The following CNTN3 variants were observed in gnomAD, a reference collection of about 807,000 sequenced individuals.
CNTN3 encodes the protein contactin-3.
A neutral mutation model predicts 119.1 loss-of-function variants in CNTN3; 60 were observed. That is an observed-to-expected ratio of 0.50 (90% confidence interval 0.41 to 0.62). The LOEUF (loss-of-function observed/expected upper bound fraction) is 0.62, where lower values mean the gene tolerates loss of function less well. Ranked by LOEUF, CNTN3 falls within the 20% of genes least tolerant of loss-of-function variation. The pLI, the probability that CNTN3 is intolerant of heterozygous loss-of-function variation, is 0.00. For synonymous variants in CNTN3, 450 were observed against 438.7 expected, an observed-to-expected ratio of 1.03 and a Z score of -0.32; for missense variants, 1,101 against 1,242.4, an observed-to-expected ratio of 0.89 and a Z score of 1.71.
intron 4 of CNTN3, among the ~76,000 whole-genome samples, chr3:74,484,865 G>C (rs548687844): frequency 6.6e-6 from 1 of 152,164 alleles, no homozygotes; most frequent in East Asian, 1.9e-4. Flanking sequence ...TCACTTTCAA[G>C]GGAATATGAT....
chr3:74,502,297 A>C (rs1306661369), intron 2 of CNTN3, among the ~76,000 whole-genome samples: 1 of 152,074 alleles, frequency 6.6e-6, no homozygotes, highest in Non-Finnish European at 1.5e-5. Flanking sequence ...AGGCAAAGAG[A>C]GGTGTTCAAA....
At chr3:74,454,714 C>T (rs1481514718) in intron 4 of CNTN3, among the ~76,000 whole-genome samples, 1 of 151,904 alleles carries the variant, frequency 6.6e-6, no homozygotes, top group Non-Finnish European at 1.5e-5. Flanking sequence ...CTGGTGGTGA[C>T]AAAATCTCTC....
intron 11 of CNTN3, among the ~76,000 whole-genome samples, chr3:74,361,055 G>A (rs1195556858): frequency 6.6e-6 from 1 of 152,042 alleles, no homozygotes; most frequent in Non-Finnish European, 1.5e-5. Context: ...ATGCTTTGGG[G>A]CCAATTATTC....
At chr3:74,298,889 G>C (rs112694234) in intron 17 of CNTN3, among the ~76,000 whole-genome samples, 25 of 55,808 alleles carry the variant, frequency 4.5e-4, no homozygotes, top group Admixed American at 1.4e-3. Context: ...CTCCATCAAG[G>C]AAAAAAAAAA....
intron 4 of CNTN3, among the ~76,000 whole-genome samples, chr3:74,454,643 C>G (rs985444510): frequency 2.0e-5 from 3 of 152,100 alleles, no homozygotes; most frequent in Non-Finnish European, 2.9e-5. Flanking sequence ...TTTGCAGCAG[C>G]TGGTACCGGT....
chr3:74,477,460 C>T (rs1368526217), intron 4 of CNTN3, among the ~76,000 whole-genome samples: 1 of 152,068 alleles, frequency 6.6e-6, no homozygotes, highest in Non-Finnish European at 1.5e-5. Flanking sequence ...GATACAGATC[C>T]TGACATCATG....
intron 1 of CNTN3, among the ~76,000 whole-genome samples, chr3:74,572,007 G>T (rs1704342905): frequency 6.6e-6 from 1 of 152,092 alleles, no homozygotes. Context: ...CCCTCCACCT[G>T]CCACTGGCTC....
intron 4 of CNTN3, among the ~76,000 whole-genome samples, chr3:74,439,557 T>C (rs1701927571): frequency 6.6e-6 from 1 of 152,182 alleles, no homozygotes; most frequent in Admixed American, 6.5e-5. Context: ...AAATGGGCAA[T>C]ACTGATATTG....
intron 11 of CNTN3, among the ~76,000 whole-genome samples, chr3:74,342,383 CA>C (rs997162838): frequency 6.6e-5 from 10 of 152,072 alleles, no homozygotes; most frequent in African/African-American, 2.4e-4. Flanking sequence ...ATAAATTCAG[CA>C]GTGTTAGTAT....
chr3:74,323,321 T>G (rs969647618), intron 13 of CNTN3, among the ~76,000 whole-genome samples: 2 of 152,184 alleles, frequency 1.3e-5, no homozygotes, highest in Admixed American at 1.3e-4. Flanking sequence ...ATAAAGTTTA[T>G]TTTTTAAAAG....
chr3:74,338,499 T>C (rs1016808107), intron 11 of CNTN3, among the ~76,000 whole-genome samples: 1 of 149,322 alleles, frequency 6.7e-6, no homozygotes. Context: ...CACGTGCGTG[T>C]GTGTGTGTAT....
In CNTN3 at chr3:74,298,228, T is replaced by C. The variant is rs139165901; in HGVS notation, c.2167-37A>G. On this transcript the variant is annotated intron_variant, in intron 17 of 22. Coordinates refer to ENST00000263665, the MANE Select transcript of CNTN3 (RefSeq NM_020872.3). The stretch of plus-strand genomic sequence containing the variant: ...AGACATACTGAATCACCCTTACACA[T>C]AAGGGCAAGGCAAAAATGAATGCAG... 691 of 1,381,796 alleles carry C rather than the reference T, an allele frequency of 5.0e-4. 5 individuals are homozygous for C. The African/African-American group carries it at 8.6e-3, about 17-fold the overall frequency. 85.6% of individuals were successfully genotyped at this position (1,381,796 alleles called of 1,614,324 possible).
At chr3:74,407,824 ACTC>A (rs1701361021) in intron 5 of CNTN3, among the ~76,000 whole-genome samples, 1 of 152,072 alleles carries the variant, frequency 6.6e-6, no homozygotes, top group Non-Finnish European at 1.5e-5. Flanking sequence ...TGATGGTAGC[ACTC>A]CTCAGGGCAT....
At chr3:74,363,696 A>C (rs1225169957) in intron 10 of CNTN3, among the ~76,000 whole-genome samples, 1 of 152,092 alleles carries the variant, frequency 6.6e-6, no homozygotes, top group Non-Finnish European at 1.5e-5. Context: ...TAATACATTC[A>C]TTTTGTTGGG....
intron 1 of CNTN3, among the ~76,000 whole-genome samples, chr3:74,574,946 C>G (rs1372281611): frequency 6.8e-6 from 1 of 148,108 alleles, no homozygotes; most frequent in Admixed American, 6.8e-5. Context: ...TTTCTGGAGA[C>G]AGGGTCTTGC....
chr3:74,534,707 A>C (rs1703739226), intron 1 of CNTN3, among the ~76,000 whole-genome samples: 1 of 152,058 alleles, frequency 6.6e-6, no homozygotes, highest in African/African-American at 2.4e-5. Flanking sequence ...TGTGTTTCTT[A>C]CTAAGAGAAC....
intron 4 of CNTN3, among the ~76,000 whole-genome samples, chr3:74,453,583 T>C (rs1276012175): frequency 2.0e-5 from 3 of 151,694 alleles, no homozygotes; most frequent in African/African-American, 2.4e-5. Flanking sequence ...GCTCTTGCTT[T>C]TCTAGTTCTT....
chr3:74,540,893 T>C (rs913470522), intron 1 of CNTN3, among the ~76,000 whole-genome samples: 1 of 152,210 alleles, frequency 6.6e-6, no homozygotes, highest in Non-Finnish European at 1.5e-5. Flanking sequence ...AATTTCTATG[T>C]TTGCAATCAT....
chr3:74,363,132 A>C (rs1241507363), intron 10 of CNTN3, among the ~76,000 whole-genome samples: 1 of 152,154 alleles, frequency 6.6e-6, no homozygotes, highest in Non-Finnish European at 1.5e-5. Context: ...CTTTCAAGTT[A>C]AGACTTATAT....
Sources: allele counts gnomAD v4.1 joint callset (sites outside exome capture counted in the v4.1 genomes callset), GRCh38; gene constraint gnomAD v4.1.1; transcripts MANE v1.5; gene names NCBI Gene and HGNC (gene_info 2026-07-23, HGNC 2026-07-21).